The following MCC variants were observed in gnomAD, a reference collection of about 807,000 sequenced individuals.
MCC encodes colorectal mutant cancer protein.
A neutral mutation model predicts 116.2 loss-of-function variants in MCC; 90 were observed. The ratio of observed to expected loss-of-function variants is 0.77; its 90% CI spans 0.65 to 0.92. The LOEUF is 0.92. Among genes scored for constraint, MCC ranks in the 40% least tolerant of loss-of-function variants. MCC has a pLI of 0.00. For synonymous variants in MCC, 578 were observed against 510.5 expected, an observed-to-expected ratio of 1.13 and a Z score of -1.78; for missense variants, 1,516 against 1,312.2, an observed-to-expected ratio of 1.16 and a Z score of -2.40.
intron 3 of MCC, among the ~76,000 whole-genome samples, chr5:113,241,194 G>A (rs887540375): frequency 1.9e-4 from 29 of 152,154 alleles, no homozygotes; most frequent in African/African-American, 5.8e-4. Flanking sequence ...TATAACGTAG[G>A]CTTCTGGTTA....
At chr5:113,154,012 A>G (rs1407747138) in intron 3 of MCC, among the ~76,000 whole-genome samples, 4 of 152,230 alleles carry the variant, frequency 2.6e-5, no homozygotes, top group African/African-American at 9.7e-5. Flanking sequence ...TTTACTTAAC[A>G]TATCTTCTCT....
rs114140187 is a variant in MCC, at chr5:113,212,972, C to G, written c.628-61550G>C. On this transcript the variant is annotated intron_variant, in intron 3 of 18. Transcript: ENST00000408903. ...TCATTTACTTTAATTACTTCAAACA[C>G]ATGTTCTTTCTGGTTCCAGCGTTCC... Among the ~76,000 whole-genome samples the G allele has an allele frequency of 6.7e-3, 1,022 of 152,344 alleles. 8 individuals are homozygous for G. The highest frequency in any genetic ancestry group is 0.014 in the South Asian group (68 of 4,824).
intron 1 of MCC, among the ~76,000 whole-genome samples, chr5:113,437,670 CCT>C (rs1174035600): frequency 6.6e-6 from 1 of 152,122 alleles, no homozygotes; most frequent in Non-Finnish European, 1.5e-5. Context: ...CTCAAAATTC[CCT>C]GAGATATATT....
chr5:113,334,994 A>G (rs1415487042), intron 3 of MCC, among the ~76,000 whole-genome samples: 2 of 151,724 alleles, frequency 1.3e-5, no homozygotes, highest in African/African-American at 2.4e-5. Flanking sequence ...TTCCCTGAAA[A>G]TCTAAAGGGT....
chr5:113,158,550 A>G (rs1760302593), intron 3 of MCC, among the ~76,000 whole-genome samples: 2 of 152,204 alleles, frequency 1.3e-5, no homozygotes, highest in South Asian at 4.2e-4. Flanking sequence ...TAATAATATT[A>G]ATAGTTACCG....
At chr5:113,113,617 T>C (rs944157154) in intron 6 of MCC, among the ~76,000 whole-genome samples, 1 of 130,960 alleles carries the variant, frequency 7.6e-6, no homozygotes, top group Non-Finnish European at 1.5e-5. Context: ...CGCTGCAACA[T>C]GGTAATGAGG....
chr5:113,209,368 A>G (rs1038376743), intron 3 of MCC, among the ~76,000 whole-genome samples: 6 of 152,234 alleles, frequency 3.9e-5, no homozygotes, highest in African/African-American at 1.4e-4. Flanking sequence ...CCAGTCAGTC[A>G]TGCTCTGCCT....
intron 1 of MCC, among the ~76,000 whole-genome samples, chr5:113,417,812 C>T (rs149346707): frequency 0.014 from 2,055 of 152,056 alleles, 49 homozygotes; most frequent in African/African-American, 0.048. Context: ...GCCTGTAGTC[C>T]TAGCTACTCA....
intron 1 of MCC, among the ~76,000 whole-genome samples, chr5:113,448,882 T>C (rs1771299697): frequency 6.6e-6 from 1 of 152,240 alleles, no homozygotes; most frequent in Non-Finnish European, 1.5e-5. Context: ...TTCTGACCTT[T>C]TTAATCTTGT....
At chr5:113,077,298 A>C (rs779090557) in intron 11 of MCC, among the ~76,000 whole-genome samples, 6 of 152,192 alleles carry the variant, frequency 3.9e-5, no homozygotes, top group Non-Finnish European at 8.8e-5. Context: ...GCTGTCCACC[A>C]AGCAGACCAA....
At chr5:113,233,581 T>A (rs1027033411) in intron 3 of MCC, among the ~76,000 whole-genome samples, 3 of 152,288 alleles carry the variant, frequency 2.0e-5, no homozygotes, top group East Asian at 3.9e-4. Flanking sequence ...TTCTTTGTGA[T>A]TTATAGTTTT....
chr5:113,073,288 A>G (rs1754171650), intron 11 of MCC, among the ~76,000 whole-genome samples: 1 of 152,158 alleles, frequency 6.6e-6, no homozygotes, highest in Non-Finnish European at 1.5e-5. Context: ...AGCACCACAC[A>G]TGGCGTGCGT....
intron 3 of MCC, among the ~76,000 whole-genome samples, chr5:113,322,428 A>T (rs992445418): frequency 2.0e-5 from 3 of 152,268 alleles, no homozygotes; most frequent in Non-Finnish European, 4.4e-5. Context: ...AAGAAAAGAC[A>T]TATCTGTTAT....
chr5:113,382,058 G>A (rs569875440), intron 2 of MCC, among the ~76,000 whole-genome samples: 22 of 152,298 alleles, frequency 1.4e-4, no homozygotes, highest in African/African-American at 5.3e-4. Flanking sequence ...AGGGCCAGCA[G>A]AGTGGTGAGG....
chr5:113,117,174 C>T (rs1757444902), intron 6 of MCC, among the ~76,000 whole-genome samples: 1 of 152,196 alleles, frequency 6.6e-6, no homozygotes, highest in Non-Finnish European at 1.5e-5. Context: ...GGCTGCCTTT[C>T]CCTGCCCCGA....
intron 8 of MCC, among the ~76,000 whole-genome samples, chr5:113,096,551 T>C (rs1297562159): frequency 6.6e-6 from 1 of 152,158 alleles, no homozygotes; most frequent in Non-Finnish European, 1.5e-5. Flanking sequence ...ATCAGAAACT[T>C]GTACTGTTGA....
intron 3 of MCC, among the ~76,000 whole-genome samples, chr5:113,183,531 C>T (rs1302473254): frequency 6.6e-6 from 1 of 152,114 alleles, no homozygotes; most frequent in African/African-American, 2.4e-5. Flanking sequence ...ATCCCCCTCC[C>T]AAGGGTTTTG....
intron 3 of MCC, among the ~76,000 whole-genome samples, chr5:113,333,793 A>ATG (rs1767760198): frequency 1.8e-5 from 1 of 54,804 alleles, no homozygotes; most frequent in Non-Finnish European, 3.7e-5. Context: ...ATATATTTAT[A>ATG]TATATATGTA....
intron 3 of MCC, among the ~76,000 whole-genome samples, chr5:113,329,179 A>G (rs1018541527): frequency 6.6e-6 from 1 of 152,220 alleles, no homozygotes; most frequent in Non-Finnish European, 1.5e-5. Context: ...CACAATATGT[A>G]GTGTACGGTA....
Sources: gnomAD v4.1 joint callset for allele counts (sites outside exome capture counted in the v4.1 genomes callset) on GRCh38, gnomAD v4.1.1 for gene constraint, MANE v1.5 for transcripts, NCBI Gene and HGNC (gene_info 2026-07-23, HGNC 2026-07-21) for gene names.